ASTN1: variants seen among roughly 807,000 people sequenced by gnomAD.
ASTN1 encodes astrotactin-1.
A neutral mutation model predicts 140.7 loss-of-function variants in ASTN1; 41 were observed. The ratio of observed to expected loss-of-function variants is 0.29; its 90% CI spans 0.23 to 0.38. The LOEUF is 0.38. Ranked by LOEUF, ASTN1 falls within the 10% of genes least tolerant of loss-of-function variation. ASTN1 has a pLI of 1.00. For synonymous variants in ASTN1, 640 were observed against 652.2 expected, an observed-to-expected ratio of 0.98 and a Z score of 0.29; for missense variants, 1,479 against 1,678.8, an observed-to-expected ratio of 0.88 and a Z score of 2.08.
At chr1:176,921,595 C>A (rs1670726657) in intron 16 of ASTN1, among the ~76,000 whole-genome samples, 2 of 152,212 alleles carry the variant, frequency 1.3e-5, no homozygotes, top group South Asian at 4.1e-4. Context: ...CTTACAATAA[C>A]AATCACTAAT....
intron 2 of ASTN1, among the ~76,000 whole-genome samples, chr1:177,045,378 G>T (rs1001386779): frequency 1.3e-5 from 2 of 152,142 alleles, no homozygotes; most frequent in Non-Finnish European, 2.9e-5. Flanking sequence ...GGCACATTCC[G>T]CTGGCTTGCT....
At chr1:177,151,190 C>G (rs1457097741) in intron 1 of ASTN1, among the ~76,000 whole-genome samples, 3 of 151,808 alleles carry the variant, frequency 2.0e-5, no homozygotes, top group Non-Finnish European at 4.4e-5. Flanking sequence ...TTGTATGGGC[C>G]TAGAAGAATG....
Position 177,020,573 on chromosome 1 carries a change from C to T in ASTN1, c.1438+2831G>A, listed in dbSNP as rs1675774164. ...TTGACCACTCAGATAATCTTCCCCC[C>T]AAATCTCCCTGTTTTAAAGCCAGTT... is the stretch of plus-strand genomic sequence containing the variant. On this transcript the variant is annotated intron_variant, in intron 7 of 22. Transcript: ENST00000361833. 2.6e-5 allele frequency among the ~76,000 whole-genome samples: 4 copies of T among 152,318 alleles called. No individual in the cohort carries two copies. The South Asian group carries it at 8.3e-4, about 32-fold the overall frequency.
chr1:177,015,454 A>C (rs902092739), intron 7 of ASTN1, among the ~76,000 whole-genome samples: 1 of 152,208 alleles, frequency 6.6e-6, no homozygotes, highest in African/African-American at 2.4e-5. Context: ...GCTAGCTCAT[A>C]GAACAACTAC....
chr1:177,120,409 G>A (rs1158398672), intron 1 of ASTN1, among the ~76,000 whole-genome samples: 10 of 152,072 alleles, frequency 6.6e-5, no homozygotes, highest in Non-Finnish European at 1.2e-4. Flanking sequence ...CTCACCTCAC[G>A]CATCCCAAAG....
At chr1:176,961,930 T>C (rs187060921) in intron 9 of ASTN1, among the ~76,000 whole-genome samples, 124 of 152,310 alleles carry the variant, frequency 8.1e-4, no homozygotes, top group Admixed American at 2.8e-3. Context: ...CACACAGCCC[T>C]GTGTTCAACT....
chr1:177,104,556 C>T (rs1048932098), intron 1 of ASTN1, among the ~76,000 whole-genome samples: 43 of 152,304 alleles, frequency 2.8e-4, no homozygotes, highest in African/African-American at 9.9e-4. Flanking sequence ...ATATTCCCCA[C>T]ATACGTTCAC....
chr1:176,883,853 T>C (rs947300124), intron 19 of ASTN1, among the ~76,000 whole-genome samples: 2 of 133,256 alleles, frequency 1.5e-5, no homozygotes, highest in African/African-American at 4.9e-5. Context: ...TCCCTCTTAC[T>C]AGCTGGACCT....
intron 5 of ASTN1, 89 bp from the exon 6 acceptor site, chr1:177,024,821 C>T: frequency 6.9e-7 from 1 of 1,439,302 alleles, no homozygotes; most frequent in East Asian, 2.4e-5. Context: ...TCCTGGCAAA[C>T]AGGGGAGACA....
chr1:176,941,708 C>G (rs1671721382), intron 14 of ASTN1, among the ~76,000 whole-genome samples: 1 of 152,210 alleles, frequency 6.6e-6, no homozygotes, highest in African/African-American at 2.4e-5. Context: ...TATCTCATAA[C>G]TGAAGTAAAA....
intron 16 of ASTN1, among the ~76,000 whole-genome samples, chr1:176,913,349 G>A (rs1050827916): frequency 1.3e-5 from 2 of 152,116 alleles, no homozygotes; most frequent in Non-Finnish European, 2.9e-5. Context: ...GGATCACATT[G>A]GGTTGTTGGC....
intron 8 of ASTN1, among the ~76,000 whole-genome samples, chr1:176,992,061 C>T (rs1432730886): frequency 6.6e-6 from 1 of 152,124 alleles, no homozygotes; most frequent in East Asian, 1.9e-4. Flanking sequence ...AGTACAAATT[C>T]AAAGTCGTTA....
intron 8 of ASTN1, among the ~76,000 whole-genome samples, chr1:176,996,310 C>G (rs186618): frequency 0.048 from 6,084 of 126,138 alleles, 246 homozygotes; most frequent in African/African-American, 0.11. Flanking sequence ...CACACACACA[C>G]AGAGAGAGAG....
intron 1 of ASTN1, among the ~76,000 whole-genome samples, chr1:177,120,582 C>G (rs1302359698): frequency 6.6e-6 from 1 of 152,162 alleles, no homozygotes; most frequent in East Asian, 1.9e-4. Context: ...CTTAAACAAG[C>G]CGATTCTTTT....
chr1:177,099,405 T>C (rs1025248409), intron 1 of ASTN1, among the ~76,000 whole-genome samples: 3 of 152,096 alleles, frequency 2.0e-5, no homozygotes, highest in African/African-American at 7.2e-5. Flanking sequence ...AGCTCCTTTT[T>C]TTTTAATTTT....
At chr1:177,162,774 G>C (rs1647460395) in intron 1 of ASTN1, among the ~76,000 whole-genome samples, 1 of 152,134 alleles carries the variant, frequency 6.6e-6, no homozygotes, top group Admixed American at 6.5e-5. Context: ...TTGCATATCA[G>C]CATGACTTCA....
At chr1:176,891,867 T>G (rs1001751774) in intron 17 of ASTN1, among the ~76,000 whole-genome samples, 2 of 151,730 alleles carry the variant, frequency 1.3e-5, no homozygotes, top group African/African-American at 4.8e-5. Context: ...AACAAAAAGA[T>G]GTAGATACAC....
intron 1 of ASTN1, among the ~76,000 whole-genome samples, chr1:177,078,774 C>T (rs1385212753): frequency 1.3e-5 from 2 of 152,122 alleles, no homozygotes; most frequent in Admixed American, 1.3e-4. Context: ...CTGGAAAGGA[C>T]ATACATTCTT....
At chr1:176,978,739 G>T (rs542520592) in intron 8 of ASTN1, among the ~76,000 whole-genome samples, 47 of 152,228 alleles carry the variant, frequency 3.1e-4, no homozygotes, top group Non-Finnish European at 4.7e-4. Context: ...GCTAAGCAGA[G>T]CTGACATTTA....
Sources: gnomAD v4.1 joint callset for allele counts (sites outside exome capture counted in the v4.1 genomes callset) on GRCh38, gnomAD v4.1.1 for gene constraint, MANE v1.5 for transcripts, NCBI Gene and HGNC (gene_info 2026-07-23, HGNC 2026-07-21) for gene names.